The following GRID2 variants were observed in gnomAD, a reference collection of about 807,000 sequenced individuals.
GRID2 encodes the protein glutamate receptor ionotropic, delta-2.
In GRID2, 33 loss-of-function variants were observed where a neutral mutation model predicts 114.8. The ratio of observed to expected loss-of-function variants is 0.29; its 90% CI spans 0.22 to 0.38. GRID2 has a LOEUF of 0.38. GRID2 is among the 10% of genes least tolerant of loss of function. GRID2 has a pLI of 1.00. For synonymous variants in GRID2, 505 were observed against 449.9 expected, an observed-to-expected ratio of 1.12 and a Z score of -1.55; for missense variants, 1,184 against 1,257.7, an observed-to-expected ratio of 0.94 and a Z score of 0.89.
At chr4:92,627,683 T>C (rs1265291510) in intron 2 of GRID2, among the ~76,000 whole-genome samples, 1 of 152,204 alleles carries the variant, frequency 6.6e-6, no homozygotes, top group Non-Finnish European at 1.5e-5. Context: ...TCTGATATGT[T>C]TTCTACTGTT....
At chr4:93,451,657 GA>G (rs1203685898) in intron 10 of GRID2, among the ~76,000 whole-genome samples, 3 of 152,048 alleles carry the variant, frequency 2.0e-5, no homozygotes, top group Non-Finnish European at 4.4e-5. Flanking sequence ...TAGGGAGACT[GA>G]AGAGGAAGAA....
chr4:93,646,812 A>G (rs975718844), intron 14 of GRID2, among the ~76,000 whole-genome samples: 8 of 152,092 alleles, frequency 5.3e-5, no homozygotes, highest in African/African-American at 1.4e-4. Context: ...TTTGGATGTT[A>G]TATGATGGGT....
In GRID2 at chr4:93,614,889, G is replaced by T. The variant is rs560940463; in HGVS notation, c.2194-11380G>T. On this transcript the variant is annotated intron_variant, in intron 13 of 15. Coordinates refer to ENST00000282020, the MANE Select transcript of GRID2 (RefSeq NM_001510.4). Reference sequence around the variant, plus strand: ...CAACAGCAATAACATGTTCTTTTCTGTCCCCAAATATAGTAGGACAATTTT... The same window carrying T: ...CAACAGCAATAACATGTTCTTTTCTTTCCCCAAATATAGTAGGACAATTTT... 2.6e-5 allele frequency among the ~76,000 whole-genome samples: 4 copies of T among 152,180 alleles called. No individual in the cohort carries two copies. The East Asian group carries it at 7.7e-4, about 29-fold the overall frequency.
chr4:92,567,259 A>G (rs1727382034), intron 1 of GRID2, among the ~76,000 whole-genome samples: 1 of 151,906 alleles, frequency 6.6e-6, no homozygotes, highest in Admixed American at 6.6e-5. Flanking sequence ...TCCCTCTGAC[A>G]TTTTTAACTT....
At chr4:92,931,011 T>C (rs1425848891) in intron 2 of GRID2, among the ~76,000 whole-genome samples, 3 of 151,010 alleles carry the variant, frequency 2.0e-5, no homozygotes, top group Non-Finnish European at 3.0e-5. Flanking sequence ...TTCCAATGTG[T>C]TTCATGAGGC....
chr4:92,895,147 G>A (rs1206829817), intron 2 of GRID2, among the ~76,000 whole-genome samples: 1 of 151,770 alleles, frequency 6.6e-6, no homozygotes, highest in African/African-American at 2.4e-5. Context: ...TCAGAGTTAT[G>A]AAGTCACAAA....
intron 2 of GRID2, among the ~76,000 whole-genome samples, chr4:92,693,645 G>A (rs972895066): frequency 6.6e-6 from 1 of 152,156 alleles, no homozygotes; most frequent in Non-Finnish European, 1.5e-5. Context: ...AGGGACTGAA[G>A]TTACAAATTG....
chr4:93,329,910 GA>G (rs33981658), intron 8 of GRID2, among the ~76,000 whole-genome samples: 56,256 of 146,010 alleles, frequency 0.39, 10,868 homozygotes, highest in East Asian at 0.62. Context: ...GACTTATTGC[GA>G]AAAAAAAAAA....
intron 1 of GRID2, among the ~76,000 whole-genome samples, chr4:92,412,641 TTTCA>T (rs1172115728): frequency 5.9e-5 from 9 of 152,010 alleles, no homozygotes; most frequent in Admixed American, 3.9e-4. Context: ...TACACTCAAA[TTTCA>T]TTCACTGAGA....
At chr4:92,502,836 G>A (rs899670342) in intron 1 of GRID2, among the ~76,000 whole-genome samples, 25 of 146,488 alleles carry the variant, frequency 1.7e-4, no homozygotes, top group Admixed American at 1.6e-3. Context: ...TCTTGCCCCA[G>A]CCTACTGAAT....
intron 1 of GRID2, among the ~76,000 whole-genome samples, chr4:92,568,182 G>A (rs976732993): frequency 6.6e-6 from 1 of 151,940 alleles, no homozygotes; most frequent in African/African-American, 2.4e-5. Context: ...CTGCTGAGAT[G>A]GGAATATACT....
chr4:93,012,384 A>G (rs1336771086), intron 2 of GRID2, among the ~76,000 whole-genome samples: 1 of 152,028 alleles, frequency 6.6e-6, no homozygotes, highest in African/African-American at 2.4e-5. Flanking sequence ...CATATACTAT[A>G]CCTAAGGTCT....
intron 2 of GRID2, among the ~76,000 whole-genome samples, chr4:92,941,934 C>T (rs375562664): frequency 1.3e-5 from 2 of 152,188 alleles, no homozygotes; most frequent in South Asian, 2.1e-4. Context: ...GTCTGAGAGA[C>T]AGTTTGTTAT....
At chr4:92,517,602 T>C (rs1724560470) in intron 1 of GRID2, among the ~76,000 whole-genome samples, 1 of 151,906 alleles carries the variant, frequency 6.6e-6, no homozygotes, top group Non-Finnish European at 1.5e-5. Flanking sequence ...TCATAAATAG[T>C]TGAACCAAAA....
At chr4:92,457,868 C>G (rs532176400) in intron 1 of GRID2, among the ~76,000 whole-genome samples, 3 of 152,268 alleles carry the variant, frequency 2.0e-5, no homozygotes, top group Non-Finnish European at 4.4e-5. Context: ...CACCTTCCCC[C>G]TTAAAGAAAT....
intron 8 of GRID2, among the ~76,000 whole-genome samples, chr4:93,341,086 G>T (rs1396280079): frequency 6.6e-5 from 10 of 152,064 alleles, no homozygotes; most frequent in Admixed American, 6.6e-4. Flanking sequence ...CAGATATACA[G>T]AAATCTTTCT....
chr4:92,889,535 A>G (rs1027500854), intron 2 of GRID2, among the ~76,000 whole-genome samples: 1 of 152,210 alleles, frequency 6.6e-6, no homozygotes, highest in Admixed American at 6.5e-5. Flanking sequence ...CTACAAAGAG[A>G]ATAAAATATC....
In GRID2 at chr4:92,672,819, G is replaced by A. The variant is rs528273195; in HGVS notation, c.244+82533G>A. ...CTTAAATATTTATTGTTTCTTTGTG[G>A]CAGGAATATTTAATTGTTCTCTTTG... On this transcript the variant is annotated intron_variant, in intron 2 of 15. Coordinates refer to ENST00000282020, the MANE Select transcript of GRID2 (RefSeq NM_001510.4). 5.9e-5 allele frequency among the ~76,000 whole-genome samples: 9 copies of A among 152,100 alleles called. No individual in the cohort carries two copies. The South Asian group carries it at 6.2e-4, about 11-fold the overall frequency.
At chr4:92,570,039 A>C (rs1163724707) in intron 1 of GRID2, among the ~76,000 whole-genome samples, 1 of 152,058 alleles carries the variant, frequency 6.6e-6, no homozygotes, top group Non-Finnish European at 1.5e-5. Context: ...GCCTATGCCT[A>C]TGTCCTGAAG....
Sources: gnomAD v4.1 joint callset for allele counts (sites outside exome capture counted in the v4.1 genomes callset) on GRCh38, gnomAD v4.1.1 for gene constraint, MANE v1.5 for transcripts, NCBI Gene and HGNC (gene_info 2026-07-23, HGNC 2026-07-21) for gene names.